The following PCBP3 variants were observed in gnomAD, a reference collection of about 807,000 sequenced individuals.
PCBP3 encodes the protein poly(rC) binding protein 3.
A neutral mutation model predicts 52.7 loss-of-function variants in PCBP3; 25 were observed. The observed-to-expected ratio is 0.47, with a 90% confidence interval of 0.35 to 0.66. PCBP3 has a LOEUF of 0.66. PCBP3 is among the 30% of genes least tolerant of loss of function. The probability of loss-of-function intolerance (pLI) is 0.01; values close to 1 mark genes in which losing one functional copy is unlikely to be tolerated. For synonymous variants in PCBP3, 162 were observed against 183.0 expected (o/e 0.89, Z 0.93); for missense variants, 391 against 490.3 (o/e 0.80, Z 1.91).
chr21:45,800,178 G>C lies in PCBP3; in HGVS notation c.-126+44726G>C, dbSNP rs1421110014. Among the ~76,000 whole-genome samples, 4 of 152,174 alleles carry C rather than the reference G, an allele frequency of 2.6e-5. No homozygotes were observed. The East Asian group carries it at 7.8e-4, about 30-fold the overall frequency. ...TGGCTGCAGGTGGGGCCTTCCAGAG[G>C]CACAGGCTGAGGGGCCAGGCAGCAG... On this transcript the variant is annotated intron_variant, in intron 4 of 17. Coordinates refer to ENST00000681687, the MANE Select transcript of PCBP3 (RefSeq NM_001384156.1). This position sits in a 1 kb window ranked among gnomAD's most constrained non-coding sequence, Gnocchi z 5.3.
At chr21:45,712,795 C>T (rs2083932000) in intron 2 of PCBP3, among the ~76,000 whole-genome samples, 1 of 151,948 alleles carries the variant, frequency 6.6e-6, no homozygotes, top group South Asian at 2.1e-4. Flanking sequence ...CTTTGACTTC[C>T]TGGACTGAAG....
intron 4 of PCBP3, among the ~76,000 whole-genome samples, chr21:45,768,212 C>T (rs1174300707): frequency 6.6e-6 from 1 of 152,226 alleles, no homozygotes; most frequent in Admixed American, 6.5e-5. Context: ...CTGCTGAGGC[C>T]TAGCCCTGCG....
intron 4 of PCBP3, among the ~76,000 whole-genome samples, chr21:45,824,170 G>T (rs2093239839): frequency 6.6e-6 from 1 of 152,164 alleles, no homozygotes; most frequent in Non-Finnish European, 1.5e-5. Context: ...GATGTGCTGA[G>T]CCCCTCACTC....
At chr21:45,884,588 T>A (rs1410149770) in intron 5 of PCBP3, among the ~76,000 whole-genome samples, 1 of 152,028 alleles carries the variant, frequency 6.6e-6, no homozygotes, top group Admixed American at 6.5e-5. Flanking sequence ...TGAGACAGGA[T>A]CTTGCTCTGT....
chr21:45,929,777 C>G, intron 13 of PCBP3, 140 bp from the exon 14 acceptor site: 1 of 676,772 alleles, frequency 1.5e-6, no homozygotes, highest in Non-Finnish European at 2.7e-6. Flanking sequence ...CAAGTCCTTG[C>G]GTTCTCTTGC....
chr21:45,732,107 ATCT>A (rs747089954), intron 2 of PCBP3, among the ~76,000 whole-genome samples: 1 of 152,010 alleles, frequency 6.6e-6, no homozygotes, highest in Non-Finnish European at 1.5e-5. Flanking sequence ...GTTAGAAAAA[ATCT>A]TCTTTTTACT....
chr21:45,662,289 T>G (rs1603183183), intron 1 of PCBP3, among the ~76,000 whole-genome samples: 2 of 100,858 alleles, frequency 2.0e-5, no homozygotes, highest in East Asian at 4.7e-4. Flanking sequence ...TTTTTTTTTT[T>G]TTTTTTTTTT....
intron 17 of PCBP3, 24 bp from the exon 18 acceptor site, chr21:45,941,646 C>A (rs1463776744): frequency 6.2e-7 from 1 of 1,603,138 alleles, no homozygotes; most frequent in South Asian, 1.1e-5. Context: ...CCGTCTCTCC[C>A]TCTCCTGCCT....
At chr21:45,873,822 G>A (rs2095136389) in intron 5 of PCBP3, among the ~76,000 whole-genome samples, 1 of 152,158 alleles carries the variant, frequency 6.6e-6, no homozygotes, top group Admixed American at 6.5e-5. Context: ...TTGAGACAGG[G>A]TCTCGCTCTG....
intron 4 of PCBP3, chr21:45,761,432 C>G (rs959848175): frequency 1.3e-5 from 2 of 152,182 alleles, no homozygotes; most frequent in African/African-American, 4.8e-5. Flanking sequence ...CATTTTACTC[C>G]TAGGTTCACA....
Position 45,853,268 on chromosome 21 carries a change from T to C in PCBP3, c.10+3173T>C, listed in dbSNP as rs2094123804. ...GGGTGGAAGGTGACCTCAGTGCCCC[T>C]GCCTAGAAGAGTGAAAACCTAACTG... On this transcript the variant is annotated intron_variant, in intron 5 of 17. Transcript: ENST00000681687. The surrounding 1 kb of genome is among the most constrained non-coding windows in gnomAD (Gnocchi z 4.6). Among the ~76,000 whole-genome samples, 1 of 152,174 alleles carries C rather than the reference T, an allele frequency of 6.6e-6. No homozygotes were observed. Among genetic ancestry groups the C allele is most frequent in the South Asian group, 2.1e-4 (1 of 4,826 alleles).
intron 1 of PCBP3, among the ~76,000 whole-genome samples, chr21:45,653,265 G>A (rs893863730): frequency 5.2e-4 from 79 of 152,112 alleles, no homozygotes; most frequent in Admixed American, 5.1e-3. Flanking sequence ...TGGTAAGCAT[G>A]TTACATCTGC....
intron 5 of PCBP3, among the ~76,000 whole-genome samples, chr21:45,855,730 G>GC (rs141135834): frequency 0.019 from 2,832 of 152,362 alleles, 92 homozygotes; most frequent in African/African-American, 0.065. Flanking sequence ...GGATCCAAGT[G>GC]CCCGATGGCC....
At chr21:45,863,794 G>A (rs1030803634) in intron 5 of PCBP3, among the ~76,000 whole-genome samples, 8 of 152,222 alleles carry the variant, frequency 5.3e-5, no homozygotes, top group East Asian at 3.8e-4. Context: ...AGCGGTCCGC[G>A]GGCAGGACGG....
chr21:45,907,908 G>A (rs570855816), intron 9 of PCBP3, among the ~76,000 whole-genome samples: 28 of 152,124 alleles, frequency 1.8e-4, no homozygotes, highest in East Asian at 1.2e-3. Flanking sequence ...GAGAGCTTAC[G>A]AGCCTGGGGG....
chr21:45,696,087 A>C (rs2082754914), intron 2 of PCBP3, among the ~76,000 whole-genome samples: 1 of 150,572 alleles, frequency 6.6e-6, no homozygotes, highest in African/African-American at 2.4e-5. Context: ...CTCAAAAAAA[A>C]AAAAAAAAAA....
chr21:45,823,501 G>T (rs556149483), intron 4 of PCBP3, among the ~76,000 whole-genome samples: 1 of 152,166 alleles, frequency 6.6e-6, no homozygotes, highest in Admixed American at 6.5e-5. Context: ...TTCATGTCCC[G>T]CAGAACCACG....
At chr21:45,815,991 T>A in intron 4 of PCBP3, among the ~76,000 whole-genome samples, 1 of 125,738 alleles carries the variant, frequency 8.0e-6, no homozygotes, top group East Asian at 2.5e-4. Flanking sequence ...GAGTGGTGAG[T>A]GAGTGGTGAG....
At chr21:45,745,910 G>A (rs2086798520) in intron 3 of PCBP3, among the ~76,000 whole-genome samples, 1 of 151,886 alleles carries the variant, frequency 6.6e-6, no homozygotes, top group Non-Finnish European at 1.5e-5. Context: ...TGTTGTGTCA[G>A]CATCGCTGTG....
Sources: gnomAD v4.1 joint callset for allele counts (sites outside exome capture counted in the v4.1 genomes callset) on GRCh38, gnomAD v4.1.1 for gene constraint, Gnocchi (gnomAD v3.1) non-coding constraint, MANE v1.5 for transcripts, NCBI Gene and HGNC (gene_info 2026-07-23, HGNC 2026-07-21) for gene names.